Variants in CDYL observed in about 807,000 individuals in gnomAD.
The protein encoded by CDYL is chromodomain Y like, also known as chromodomain Y-like protein.
Under a neutral mutation model 47.3 loss-of-function variants are expected in CDYL, and 8 were observed. The observed-to-expected ratio is 0.17, with a 90% confidence interval of 0.10 to 0.31. The LOEUF (loss-of-function observed/expected upper bound fraction) is 0.31, where lower values mean the gene tolerates loss of function less well. Ranked by LOEUF, CDYL falls within the 10% of genes least tolerant of loss-of-function variation. The pLI, the probability that CDYL is intolerant of heterozygous loss-of-function variation, is 1.00. For synonymous variants in CDYL, 266 were observed against 265.0 expected (o/e 1.00, Z -0.04); for missense variants, 471 against 701.4 (o/e 0.67, Z 3.71).
chr6:4,865,045 C>G lies in CDYL; in HGVS notation c.25-26668C>G, dbSNP rs560842106. On this transcript the variant is annotated intron_variant, in intron 1 of 6. Transcript: ENST00000397588. The stretch of plus-strand genomic sequence containing the variant: ...CATTTTAAAGTTTAACTTCCTGGTT[C>G]TCTTTGCCCCCTTGCCTCTAGTTTC... Among the ~76,000 whole-genome samples the G allele has an allele frequency of 9.2e-5, 14 of 152,318 alleles. No homozygotes were observed. In the South Asian group the frequency reaches 1.9e-3, roughly 20 times the overall value.
intron 5 of CDYL, among the ~76,000 whole-genome samples, chr6:4,945,610 A>G (rs4960054): frequency 0.96 from 146,085 of 152,340 alleles, 70,342 homozygotes; most frequent in East Asian, 1. Flanking sequence ...AGGAACAAGC[A>G]GCACCGGCCT....
chr6:4,901,483 GTGCC>G, intron 2 of CDYL, among the ~76,000 whole-genome samples: 1 of 152,088 alleles, frequency 6.6e-6, no homozygotes, highest in Non-Finnish European at 1.5e-5. Context: ...TGCTATTCTG[GTGCC>G]TTTGTTCTGT....
upstream of CDYL, among the ~76,000 whole-genome samples, chr6:4,774,145 T>C (rs925634442): frequency 6.6e-6 from 1 of 152,206 alleles, no homozygotes; most frequent in Non-Finnish European, 1.5e-5. Context: ...ATTGGAGTAA[T>C]GGTCATGGCG....
chr6:4,811,835 G>A (rs1205409797), intron 1 of CDYL, among the ~76,000 whole-genome samples: 2 of 151,962 alleles, frequency 1.3e-5, no homozygotes, highest in African/African-American at 4.8e-5. Context: ...ACTGTTACCC[G>A]GGCTGGTCTG....
chr6:4,803,386 A>ATT (rs1258161998), intron 1 of CDYL, among the ~76,000 whole-genome samples: 30 of 152,196 alleles, frequency 2.0e-4, no homozygotes, highest in African/African-American at 6.5e-4. Flanking sequence ...TTATCTCAAG[A>ATT]TTTGAGGGAT....
At chr6:4,835,172 G>C (rs933987554) in intron 1 of CDYL, among the ~76,000 whole-genome samples, 2 of 152,108 alleles carry the variant, frequency 1.3e-5, no homozygotes, top group East Asian at 1.9e-4. Context: ...TCCAGTTTTT[G>C]TGCTCTGTTT....
intron 3 of CDYL, among the ~76,000 whole-genome samples, chr6:4,757,257 AT>A (rs1327619462): frequency 6.6e-6 from 1 of 152,200 alleles, no homozygotes; most frequent in African/African-American, 2.4e-5. Flanking sequence ...AAACTAAGTA[AT>A]GCAATTGTTA....
chr6:4,830,766 A>T (rs1489752154), intron 1 of CDYL, among the ~76,000 whole-genome samples: 1 of 81,210 alleles, frequency 1.2e-5, no homozygotes, highest in Non-Finnish European at 2.2e-5. Flanking sequence ...CCCCCACCCC[A>T]CAACAGGCCC....
At chr6:4,724,132 C>G (rs916343736) in intron 2 of CDYL, among the ~76,000 whole-genome samples, 5 of 152,202 alleles carry the variant, frequency 3.3e-5, no homozygotes, top group African/African-American at 4.8e-5. Flanking sequence ...CCTTGACCTC[C>G]TGGGTTCAAA....
At chr6:4,749,728 A>C (rs74472590) in intron 3 of CDYL, among the ~76,000 whole-genome samples, 1 of 152,240 alleles carries the variant, frequency 6.6e-6, no homozygotes, top group African/African-American at 2.4e-5. Context: ...TAAGACATGG[A>C]TGTAAGCAGA....
intron 3 of CDYL, among the ~76,000 whole-genome samples, chr6:4,767,124 A>C (rs1758266344): frequency 1.3e-5 from 2 of 152,226 alleles, no homozygotes; most frequent in South Asian, 4.1e-4. Context: ...AATGCATAAA[A>C]ACTTTATTTG....
intron 1 of CDYL, among the ~76,000 whole-genome samples, chr6:4,779,952 T>TTTA (rs1358294925): frequency 2.6e-5 from 4 of 152,198 alleles, no homozygotes; most frequent in Non-Finnish European, 1.5e-5. Context: ...AAATACACAT[T>TTTA]TGTGTTTTTT....
chr6:4,808,284 A>G (rs1489289311), intron 1 of CDYL, among the ~76,000 whole-genome samples: 1 of 152,198 alleles, frequency 6.6e-6, no homozygotes, highest in Non-Finnish European at 1.5e-5. Flanking sequence ...GCACATCTAT[A>G]TATGGATCTC....
Position 4,768,720 on chromosome 6 carries a change from C to G in CDYL, c.186+33876C>G, listed in dbSNP as rs543089476. Among the ~76,000 whole-genome samples the G allele has an allele frequency of 6.6e-5, 10 of 152,262 alleles. No homozygotes were observed. In the South Asian group the frequency reaches 1.9e-3, roughly 28 times the overall value. ...AAGTGTGGGCTGCTCAAAGTGACTC[C>G]CTTCCAAACACTACAGTATGGAAAG... On this transcript the variant is annotated intron_variant, in intron 3 of 8. Coordinates refer to the CDYL transcript ENST00000328908.
chr6:4,846,333 G>A (rs1007924909), intron 1 of CDYL, among the ~76,000 whole-genome samples: 9 of 152,122 alleles, frequency 5.9e-5, no homozygotes, highest in African/African-American at 1.7e-4. Context: ...CTTGAGAAAC[G>A]GAAATGTAGT....
chr6:4,838,000 A>T (rs1760374723), intron 1 of CDYL, among the ~76,000 whole-genome samples: 1 of 150,750 alleles, frequency 6.6e-6, no homozygotes, highest in African/African-American at 2.4e-5. Flanking sequence ...CTCATCTCGA[A>T]CTCCTGGGCT....
At chr6:4,716,664 T>C (rs1243525827) in intron 2 of CDYL, among the ~76,000 whole-genome samples, 3 of 147,018 alleles carry the variant, frequency 2.0e-5, no homozygotes, top group Non-Finnish European at 4.4e-5. Context: ...CCAGATAGAA[T>C]GCAAAAGTGG....
intron 2 of CDYL, among the ~76,000 whole-genome samples, chr6:4,897,047 C>G (rs1762304646): frequency 6.6e-6 from 1 of 152,206 alleles, no homozygotes; most frequent in Non-Finnish European, 1.5e-5. Context: ...TTAGGTGATG[C>G]AGCTAGCTGT....
chr6:4,896,410 G>A (rs987645320), intron 2 of CDYL, among the ~76,000 whole-genome samples: 16 of 152,196 alleles, frequency 1.1e-4, no homozygotes, highest in Admixed American at 2.6e-4. Flanking sequence ...GGTGCCTGCC[G>A]TGTAGTCGGT....
Sources: gnomAD v4.1 joint callset for allele counts (sites outside exome capture counted in the v4.1 genomes callset) on GRCh38, gnomAD v4.1.1 for gene constraint, MANE v1.5 for transcripts, NCBI Gene and HGNC (gene_info 2026-07-23, HGNC 2026-07-21) for gene names.